The following SGMS1 variants were observed in gnomAD, a reference collection of about 807,000 sequenced individuals.
SGMS1 encodes sphingomyelin synthase 1.
SGMS1 carries 13 observed loss-of-function variants against 46.2 expected under a neutral mutation model. The observed-to-expected ratio is 0.28, with a 90% CI of 0.18 to 0.45. The LOEUF (loss-of-function observed/expected upper bound fraction) is 0.45, where lower values mean the gene tolerates loss of function less well. Ranked by LOEUF, SGMS1 falls within the 20% of genes least tolerant of loss-of-function variation. The pLI is 1.00. For missense variants in SGMS1, 324 were observed against 519.9 expected (o/e 0.62, Z 3.66); for synonymous variants, 203 against 187.8 (o/e 1.08, Z -0.66).
intron 2 of SGMS1, among the ~76,000 whole-genome samples, chr10:50,545,611 G>GT: frequency 6.6e-6 from 1 of 151,950 alleles, no homozygotes; most frequent in East Asian, 1.9e-4. Flanking sequence ...AATTTTTGTA[G>GT]TTTTTTAGTC....
chr10:50,464,723 T>G (rs1008953881), intron 4 of SGMS1, among the ~76,000 whole-genome samples: 7 of 152,208 alleles, frequency 4.6e-5, no homozygotes, highest in Non-Finnish European at 8.8e-5. Flanking sequence ...CATGAGCCAC[T>G]GCGCCTGGCC....
intron 5 of SGMS1, among the ~76,000 whole-genome samples, chr10:50,453,793 GGGGAGAGGAA>G (rs1837145388): frequency 2.5e-5 from 1 of 39,716 alleles, no homozygotes; most frequent in African/African-American, 8.7e-5. Context: ...GAGGGAGGGA[GGGGAGAGGAA>G]GGAGGGAGGG....
In SGMS1 at chr10:50,578,802, C is replaced by A. The variant is rs150465455; in HGVS notation, c.-589+11351G>T. Among the ~76,000 whole-genome samples, 401 of 152,130 alleles carry A rather than the reference C, an allele frequency of 2.6e-3. 2 individuals carry two copies. Among genetic ancestry groups the A allele is most frequent in the African/African-American group, 9.1e-3 (378 of 41,496 alleles). On this transcript the variant is annotated intron_variant, in intron 2 of 10. Coordinates refer to ENST00000361781, the MANE Select transcript of SGMS1 (RefSeq NM_147156.4). ...AAACCCCAACACCACAAAATTATTT[C>A]TTTTTAAATGCATAAATCTACAAGG... is the stretch of plus-strand genomic sequence containing the variant.
At position 50,561,728 on chromosome 10, in the gene SGMS1, A is replaced by G. The variant is rs146139795; in HGVS notation, c.-589+28425T>C. On this transcript the variant is annotated intron_variant, in intron 2 of 10. Transcript: ENST00000361781. The stretch of plus-strand genomic sequence containing the variant: ...AATTCTCAATTGATGTAGGAGAACT[A>G]AGTTAACTGAACTGAAAGGTGGAAG... Among the ~76,000 whole-genome samples the G allele has an allele frequency of 4.1e-4, 62 of 152,352 alleles. 1 individual carries two copies. The Middle Eastern group carries it at 0.014, about 33-fold the overall frequency.
chr10:50,537,183 A>T (rs1338010551), intron 2 of SGMS1, among the ~76,000 whole-genome samples: 2 of 152,138 alleles, frequency 1.3e-5, no homozygotes, highest in Admixed American at 1.3e-4. Flanking sequence ...CCCTCTACTG[A>T]TCTTGTTTGA....
chr10:50,587,360 C>T (rs989360412), intron 2 of SGMS1, among the ~76,000 whole-genome samples: 2 of 152,196 alleles, frequency 1.3e-5, no homozygotes, highest in Admixed American at 6.5e-5. Flanking sequence ...ATTGGCCGGG[C>T]GTGGCAGCTC....
chr10:50,560,132 T>A (rs1838221289), intron 2 of SGMS1, among the ~76,000 whole-genome samples: 1 of 146,606 alleles, frequency 6.8e-6, no homozygotes, highest in Non-Finnish European at 1.5e-5. Flanking sequence ...ATAACACATA[T>A]GTAATATGTA....
chr10:50,478,977 T>C (rs887524202), intron 3 of SGMS1, among the ~76,000 whole-genome samples: 12 of 151,248 alleles, frequency 7.9e-5, no homozygotes, highest in South Asian at 2.1e-4. Context: ...TTCCAACCTT[T>C]CTTTTCAGGG....
At chr10:50,615,797 A>C (rs1314395446) in intron 1 of SGMS1, among the ~76,000 whole-genome samples, 1 of 152,080 alleles carries the variant, frequency 6.6e-6, no homozygotes, top group Non-Finnish European at 1.5e-5. Context: ...CCAAATCAAA[A>C]CTTCACAGAG....
chr10:50,429,114 G>A (rs1446221949), intron 6 of SGMS1, among the ~76,000 whole-genome samples: 2 of 152,168 alleles, frequency 1.3e-5, no homozygotes, highest in African/African-American at 4.8e-5. Context: ...CCATCATGAA[G>A]TCAAGAAATC....
chr10:50,568,247 C>T (rs968301704), intron 2 of SGMS1, among the ~76,000 whole-genome samples: 20 of 152,238 alleles, frequency 1.3e-4, no homozygotes, highest in African/African-American at 4.8e-4. Context: ...GATAAATTTT[C>T]CCACTTTTTA....
chr10:50,341,426 C>T (rs559111125), intron 7 of SGMS1: 2 of 455,988 alleles, frequency 4.4e-6, no homozygotes, highest in Non-Finnish European at 8.8e-6. Context: ...GCTTTCATTT[C>T]CCACATCCCT....
rs1405369758 is a variant in SGMS1 at position 50,306,407 on chromosome 10, T to C, written c.*735A>G. 2.0e-5 allele frequency: 3 copies of C among 152,686 alleles called. No individual in the cohort carries two copies. The highest frequency in any genetic ancestry group is 4.8e-5 in the African/African-American group (2 of 41,454). The allele number at this position is 152,686 out of a possible 1,614,324, so 9.5% of individuals were successfully genotyped here. A position where few individuals can be genotyped will look rare whatever the true frequency, so the allele number is the denominator to read the frequency against. ...CAAGACAAGAAAGGCACTAGAAACATAGACAAATTTCTCTCCCAAGATGCA... is the reference window on the plus strand; with the variant it reads ...CAAGACAAGAAAGGCACTAGAAACACAGACAAATTTCTCTCCCAAGATGCA... On this transcript the variant is annotated 3_prime_UTR_variant, in exon 11 of 11. Transcript: ENST00000361781.
chr10:50,608,111 C>A (rs1588891283), intron 1 of SGMS1, among the ~76,000 whole-genome samples: 1 of 152,146 alleles, frequency 6.6e-6, no homozygotes, highest in South Asian at 2.1e-4. Flanking sequence ...GTACTTGTAT[C>A]CCAGAAGTCC....
intron 3 of SGMS1, among the ~76,000 whole-genome samples, 183 bp from the exon 4 acceptor site, chr10:50,467,115 T>A (rs1307032001): frequency 6.6e-6 from 1 of 152,056 alleles, no homozygotes; most frequent in Non-Finnish European, 1.5e-5. Context: ...AGTACACTTC[T>A]ATTAGACAAC....
intron 2 of SGMS1, among the ~76,000 whole-genome samples, chr10:50,561,741 T>C (rs1316657338): frequency 6.6e-6 from 1 of 152,172 alleles, no homozygotes; most frequent in Non-Finnish European, 1.5e-5. Flanking sequence ...TTAACTGAAC[T>C]GAAAGGTGGA....
chr10:50,497,457 G>C (rs1395494470), intron 3 of SGMS1, among the ~76,000 whole-genome samples: 1 of 152,192 alleles, frequency 6.6e-6, no homozygotes, highest in African/African-American at 2.4e-5. Flanking sequence ...AACAGAACCA[G>C]TGAGATTATG....
chr10:50,564,519 C>G (rs530115844), intron 2 of SGMS1, among the ~76,000 whole-genome samples: 4 of 152,300 alleles, frequency 2.6e-5, no homozygotes, highest in Admixed American at 2.6e-4. Context: ...GATCAGAACT[C>G]AGCAATGTTC....
intron 1 of SGMS1, among the ~76,000 whole-genome samples, chr10:50,623,386 A>G (rs899200113): frequency 7.9e-5 from 12 of 151,804 alleles, no homozygotes; most frequent in Non-Finnish European, 1.3e-4. Flanking sequence ...GCCCGCACGC[A>G]GTAGCTCTGA....
Sources: gnomAD v4.1 joint callset for allele counts (sites outside exome capture counted in the v4.1 genomes callset) on GRCh38, gnomAD v4.1.1 for gene constraint, MANE v1.5 for transcripts, NCBI Gene and HGNC (gene_info 2026-07-23, HGNC 2026-07-21) for gene names.